FAF1: variants seen among roughly 807,000 people sequenced by gnomAD.
FAF1 encodes FAS-associated factor 1.
FAF1 carries 25 observed loss-of-function variants against 92.5 expected under a neutral mutation model. The ratio of observed to expected loss-of-function variants is 0.27; its 90% CI spans 0.20 to 0.38. The LOEUF (loss-of-function observed/expected upper bound fraction) is 0.38. Ranked by LOEUF, FAF1 falls within the 10% of genes least tolerant of loss-of-function variation. FAF1 has a pLI of 1.00. For synonymous variants in FAF1, 234 were observed against 273.2 expected (o/e 0.86, Z 1.42); for missense variants, 636 against 793.3 (o/e 0.80, Z 2.38).
intron 2 of FAF1, among the ~76,000 whole-genome samples, chr1:50,850,706 C>A (rs1644341133): frequency 6.6e-6 from 1 of 151,974 alleles, no homozygotes; most frequent in Admixed American, 6.6e-5. Context: ...AAATTTTGTA[C>A]ATGAACACTT....
At chr1:50,649,782 C>G (rs1047895018) in intron 8 of FAF1, among the ~76,000 whole-genome samples, 10 of 120,234 alleles carry the variant, frequency 8.3e-5, no homozygotes, top group Admixed American at 8.3e-5. Flanking sequence ...TCTACTAAAA[C>G]TACAAAAAAA....
chr1:50,470,959 T>C (rs544888690), intron 18 of FAF1: 4 of 152,342 alleles, frequency 2.6e-5, no homozygotes, highest in East Asian at 1.9e-4. Context: ...CTTCTAACTG[T>C]GGGTATAATT....
At chr1:50,586,021 C>G (rs1195496537) in intron 9 of FAF1, among the ~76,000 whole-genome samples, 3 of 151,960 alleles carry the variant, frequency 2.0e-5, no homozygotes, top group Admixed American at 1.3e-4. Context: ...CCACTGCACT[C>G]TAGCCTGAGT....
At chr1:50,846,478 T>C in intron 2 of FAF1, 1 of 480,160 alleles carries the variant, frequency 2.1e-6, no homozygotes, top group South Asian at 1.6e-5. Flanking sequence ...CATGCCCCGC[T>C]ATAAGCTGGC....
At chr1:50,925,527 A>T (rs1644998778) in intron 1 of FAF1, among the ~76,000 whole-genome samples, 1 of 152,188 alleles carries the variant, frequency 6.6e-6, no homozygotes, top group African/African-American at 2.4e-5. Context: ...TCTCAAACGA[A>T]GACATAGAAA....
At chr1:50,496,657 C>T (rs916507677) in intron 15 of FAF1, among the ~76,000 whole-genome samples, 4 of 152,004 alleles carry the variant, frequency 2.6e-5, no homozygotes, top group Admixed American at 2.6e-4. Flanking sequence ...CCTGGGAGGC[C>T]AAGGCAGGTG....
At chr1:50,560,101 T>A (rs1438890867) in intron 13 of FAF1, among the ~76,000 whole-genome samples, 1 of 152,146 alleles carries the variant, frequency 6.6e-6, no homozygotes, top group East Asian at 1.9e-4. Flanking sequence ...CTGAGCTATA[T>A]TTGCCAGATC....
At chr1:50,759,648 G>C (rs947574147) in intron 4 of FAF1, among the ~76,000 whole-genome samples, 4 of 152,136 alleles carry the variant, frequency 2.6e-5, no homozygotes, top group South Asian at 2.1e-4. Context: ...ATGATTTATA[G>C]TCCTTTGCAT....
Position 50,584,680 on chromosome 1 carries a change from C to G in FAF1, c.967+5G>C. On this transcript the variant is annotated splice_donor_5th_base_variant and intron_variant, in intron 10 of 18. Transcript: ENST00000396153. ...TGCTGGACCCAAAGAGCTATTAATA[C>G]TCACTCATTGGAGATTTTCTCAAGG... 6.2e-7 allele frequency: 1 copy of G among 1,612,442 alleles called. No individual in the cohort carries two copies. The highest frequency in any genetic ancestry group is 1.7e-4 in the Middle Eastern group (1 of 6,048).
chr1:50,947,854 A>G (rs1300345818), intron 1 of FAF1, among the ~76,000 whole-genome samples: 4 of 152,358 alleles, frequency 2.6e-5, no homozygotes, highest in East Asian at 1.9e-4. Flanking sequence ...TCAAAAATAC[A>G]TAAACATTTA....
intron 18 of FAF1, among the ~76,000 whole-genome samples, chr1:50,463,814 C>T (rs1412034523): frequency 6.6e-6 from 1 of 152,190 alleles, no homozygotes; most frequent in Non-Finnish European, 1.5e-5. Context: ...GATCCACCAC[C>T]TCTTGGAAGG....
chr1:50,633,930 A>G (rs1653900015), intron 8 of FAF1, among the ~76,000 whole-genome samples: 1 of 152,238 alleles, frequency 6.6e-6, no homozygotes, highest in Non-Finnish European at 1.5e-5. Context: ...AGTTCATTCC[A>G]TGTTGATCAC....
At chr1:50,775,301 T>C (rs1259242669) in intron 4 of FAF1, among the ~76,000 whole-genome samples, 2 of 152,100 alleles carry the variant, frequency 1.3e-5, no homozygotes, top group Non-Finnish European at 2.9e-5. Context: ...TGCCAAACAC[T>C]GTGCTAGAAT....
chr1:50,475,584 G>A lies in FAF1; in HGVS notation c.1749C>T (p.Gly583=). The A allele has an allele frequency of 1.2e-6, 2 of 1,614,032 alleles. No individual in the cohort carries two copies. The highest frequency in any genetic ancestry group is 1.7e-6 in the Non-Finnish European group (2 of 1,179,944). The change falls in exon 18 of 19, where the codon GGC becomes GGT. Residue 583 remains glycine (G), a synonymous_variant. Transcript: ENST00000396153. ...CCAGGAAACGCCGCTCCAAGAACTCGCCACTGGGGGTCCGGATCCGCAGTT... is the reference window on the plus strand; with the variant it reads ...CCAGGAAACGCCGCTCCAAGAACTCACCACTGGGGGTCCGGATCCGCAGTT... ...VSKLRIRTPS[G]EFLERRFLAS...
chr1:50,592,491 C>T (rs540463969), intron 9 of FAF1, among the ~76,000 whole-genome samples: 4 of 151,858 alleles, frequency 2.6e-5, no homozygotes, highest in Admixed American at 2.0e-4. Context: ...ATTAAATGAT[C>T]GTAAAGAAAC....
chr1:50,744,806 T>A (rs578004276), intron 4 of FAF1, 31 bp from the exon 5 acceptor site: 2 of 1,258,180 alleles, frequency 1.6e-6, no homozygotes, highest in South Asian at 2.6e-5. Flanking sequence ...CAAATATTAC[T>A]AACAAAATAA....
At chr1:50,492,377 A>G (rs1383122235) in intron 15 of FAF1, among the ~76,000 whole-genome samples, 1 of 152,240 alleles carries the variant, frequency 6.6e-6, no homozygotes, top group Non-Finnish European at 1.5e-5. Context: ...TTACCAATTT[A>G]GTATTTCCCC....
Position 50,443,911 on chromosome 1 carries a change from C to A in FAF1, c.1870-2388G>T, listed in dbSNP as rs185017853. Among the ~76,000 whole-genome samples the A allele has an allele frequency of 1.5e-4, 23 of 152,226 alleles. No individual in the cohort carries two copies. The East Asian group carries it at 3.3e-3, about 22-fold the overall frequency. The stretch of plus-strand genomic sequence containing the variant: ...CCCCACGGCCCAGCAAGAGTGCCCC[C>A]CCTTTCCTGATCAGGTAATGCCTCC... On this transcript the variant is annotated intron_variant, in intron 18 of 18. Transcript: ENST00000396153.
At chr1:50,831,805 CAAAAAAAAAAA>C (rs1157102526) in intron 2 of FAF1, among the ~76,000 whole-genome samples, 1 of 81,742 alleles carries the variant, frequency 1.2e-5, no homozygotes. Flanking sequence ...TTATCAGAGA[CAAAAAAAAAAA>C]AAAAAAAAGG....
Sources: gnomAD v4.1 joint callset for allele counts (sites outside exome capture counted in the v4.1 genomes callset) on GRCh38, gnomAD v4.1.1 for gene constraint, MANE v1.5 for transcripts, NCBI Gene and HGNC (gene_info 2026-07-23, HGNC 2026-07-21) for gene names.